Variants in SPSB4 observed in about 807,000 individuals in gnomAD.
The protein encoded by SPSB4 is splA/ryanodine receptor domain and SOCS box containing 4, also known as SPRY domain-containing SOCS box protein 4.
Under a neutral mutation model 20.9 loss-of-function variants are expected in SPSB4, and 21 were observed. The ratio of observed to expected loss-of-function variants is 1.01; its 90% CI spans 0.71 to 1.45. The LOEUF (loss-of-function observed/expected upper bound fraction) is 1.45, where lower values mean the gene tolerates loss of function less well. Ranked by LOEUF, SPSB4 falls within the 40% of genes most tolerant of loss-of-function variation. The pLI is 0.00. For missense variants in SPSB4, 399 were observed against 399.2 expected, an observed-to-expected ratio of 1.00 and a Z score of 0.00; for synonymous variants, 207 against 183.8, an observed-to-expected ratio of 1.13 and a Z score of -1.02.
At chr3:141,100,072 T>C (rs1381812180) in intron 2 of SPSB4, among the ~76,000 whole-genome samples, 1 of 152,184 alleles carries the variant, frequency 6.6e-6, no homozygotes, top group Admixed American at 6.5e-5. Context: ...AGTGTCTCAC[T>C]CTCACTCATT....
chr3:141,112,463 G>A (rs193197707), intron 2 of SPSB4, among the ~76,000 whole-genome samples: 5,505 of 150,944 alleles, frequency 0.036, 145 homozygotes, highest in Non-Finnish European at 0.057. Context: ...GGCTAAAACG[G>A]TGAAACCCCG....
At chr3:141,099,394 C>T (rs1277160731) in intron 2 of SPSB4, among the ~76,000 whole-genome samples, 2 of 151,996 alleles carry the variant, frequency 1.3e-5, no homozygotes, top group Admixed American at 6.6e-5. Flanking sequence ...TAATATGTCA[C>T]CATTTTGTTA....
intron 2 of SPSB4, among the ~76,000 whole-genome samples, chr3:141,098,421 C>A (rs1307588677): frequency 2.6e-5 from 4 of 152,052 alleles, no homozygotes; most frequent in Non-Finnish European, 5.9e-5. Context: ...ACATAAATGT[C>A]TTTCCATTTA....
intron 2 of SPSB4, among the ~76,000 whole-genome samples, chr3:141,131,848 AG>A (rs1939136163): frequency 6.6e-6 from 1 of 152,218 alleles, no homozygotes; most frequent in Non-Finnish European, 1.5e-5. Flanking sequence ...GTGTTTACCC[AG>A]GAGATTCAGC....
intron 2 of SPSB4, among the ~76,000 whole-genome samples, chr3:141,096,825 C>G (rs565535003): frequency 6.6e-6 from 1 of 152,050 alleles, no homozygotes; most frequent in South Asian, 2.1e-4. Flanking sequence ...GTTTTTGAAC[C>G]AATAAATTCA....
chr3:141,060,890 G>C (rs1294025211), intron 1 of SPSB4, among the ~76,000 whole-genome samples: 1 of 152,066 alleles, frequency 6.6e-6, no homozygotes, highest in Non-Finnish European at 1.5e-5. Flanking sequence ...CTTTTCAAAG[G>C]AACCATTTGT....
At chr3:141,063,959 T>C (rs1937815255) in intron 1 of SPSB4, among the ~76,000 whole-genome samples, 1 of 152,276 alleles carries the variant, frequency 6.6e-6, no homozygotes, top group South Asian at 2.1e-4. Flanking sequence ...CCTCTCACTC[T>C]GCCTTGCCAA....
At chr3:141,087,960 G>A (rs977031424) in intron 2 of SPSB4, among the ~76,000 whole-genome samples, 2 of 152,216 alleles carry the variant, frequency 1.3e-5, no homozygotes, top group South Asian at 2.1e-4. Flanking sequence ...GAAAATGGAA[G>A]TGACCCTTGA....
chr3:141,106,046 T>G (rs62283592), intron 2 of SPSB4, among the ~76,000 whole-genome samples: 16,602 of 152,174 alleles, frequency 0.11, 998 homozygotes, highest in East Asian at 0.14. Flanking sequence ...GGACTACAAT[T>G]TGGAAGTGAG....
chr3:141,094,692 A>G (rs1007088949), intron 2 of SPSB4, among the ~76,000 whole-genome samples: 3 of 152,098 alleles, frequency 2.0e-5, no homozygotes, highest in Non-Finnish European at 4.4e-5. Context: ...CACCCTGAGG[A>G]GGAAGCTGAT....
chr3:141,056,664 C>T (rs1285121505), intron 1 of SPSB4, among the ~76,000 whole-genome samples: 5 of 152,256 alleles, frequency 3.3e-5, no homozygotes, highest in Admixed American at 6.5e-5. Flanking sequence ...TTTTCATCAT[C>T]GTTTTCCCCA....
intron 2 of SPSB4, among the ~76,000 whole-genome samples, chr3:141,120,478 G>T (rs893059365): frequency 6.6e-6 from 1 of 152,148 alleles, no homozygotes; most frequent in Non-Finnish European, 1.5e-5. Flanking sequence ...TTAACCTTCT[G>T]TCTTGCTGAT....
chr3:141,141,256 A>G (rs1939322682), intron 2 of SPSB4, among the ~76,000 whole-genome samples: 1 of 152,184 alleles, frequency 6.6e-6, no homozygotes, highest in South Asian at 2.1e-4. Context: ...AGGAAAAGGA[A>G]TTCCCTGACC....
chr3:141,130,492 A>C (rs568436215), intron 2 of SPSB4, among the ~76,000 whole-genome samples: 1 of 152,310 alleles, frequency 6.6e-6, no homozygotes, highest in South Asian at 2.1e-4. Context: ...GCTCAGGTCT[A>C]TTTGAGTTCA....
intron 1 of SPSB4, among the ~76,000 whole-genome samples, chr3:141,053,190 C>G (rs1259690746): frequency 2.0e-5 from 3 of 151,944 alleles, no homozygotes; most frequent in Admixed American, 6.6e-5. Context: ...TCTGAGCCCT[C>G]TATCCTCCCA....
chr3:141,123,761 C>T (rs1939007929), intron 2 of SPSB4, among the ~76,000 whole-genome samples: 1 of 152,206 alleles, frequency 6.6e-6, no homozygotes, highest in South Asian at 2.1e-4. Context: ...TGACAGGGAA[C>T]ACTGCAGAGG....
chr3:141,071,475 T>C (rs527250949), intron 2 of SPSB4, among the ~76,000 whole-genome samples: 43 of 133,876 alleles, frequency 3.2e-4, no homozygotes, highest in African/African-American at 1.5e-3. Flanking sequence ...CTTAGGATTT[T>C]ACTCATTTTT....
intron 2 of SPSB4, among the ~76,000 whole-genome samples, chr3:141,083,812 A>G (rs1938287053): frequency 6.6e-6 from 1 of 151,992 alleles, no homozygotes; most frequent in Non-Finnish European, 1.5e-5. Context: ...TTTATAAGGC[A>G]TGGCCCCTTC....
At chr3:141,091,689 A>T (rs930642555) in intron 2 of SPSB4, among the ~76,000 whole-genome samples, 1 of 152,230 alleles carries the variant, frequency 6.6e-6, no homozygotes, top group Non-Finnish European at 1.5e-5. Context: ...GTAAATGCTG[A>T]CAAATGACTT....
Sources: gnomAD v4.1 joint callset for allele counts (sites outside exome capture counted in the v4.1 genomes callset) on GRCh38, gnomAD v4.1.1 for gene constraint, MANE v1.5 for transcripts, NCBI Gene and HGNC (gene_info 2026-07-23, HGNC 2026-07-21) for gene names.